The following STX1B variants were observed in gnomAD, a reference collection of about 807,000 sequenced individuals.
The protein encoded by STX1B is syntaxin-1B.
STX1B carries 7 observed loss-of-function variants against 39.4 expected under a neutral mutation model. The ratio of observed to expected loss-of-function variants is 0.18; its 90% CI spans 0.10 to 0.33. STX1B has a LOEUF of 0.33. STX1B is among the 10% of genes least tolerant of loss of function. The pLI is 1.00. For missense variants in STX1B, 198 were observed against 383.2 expected (o/e 0.52, Z 4.04); for synonymous variants, 136 against 144.1 (o/e 0.94, Z 0.40).
At chr16:31,002,999 C>A (rs901807606) in intron 1 of STX1B, among the ~76,000 whole-genome samples, 4 of 152,132 alleles carry the variant, frequency 2.6e-5, no homozygotes, top group Non-Finnish European at 4.4e-5. Flanking sequence ...CCAGACAGAT[C>A]CCAGACAGCT....
intron 7 of STX1B, among the ~76,000 whole-genome samples, chr16:30,993,696 A>C (rs2056575597): frequency 6.6e-6 from 1 of 152,188 alleles, no homozygotes; most frequent in African/African-American, 2.4e-5. Flanking sequence ...GAGTGAGTTA[A>C]TATGTACACA....
rs1036435560 is a variant in STX1B at position 31,001,294 on chromosome 16, G to A, written c.106-101C>T. The A allele has an allele frequency of 9.9e-6, 12 of 1,211,264 alleles. No individual in the cohort carries two copies. Among genetic ancestry groups the A allele is most frequent in the Middle Eastern group, 2.1e-4 (1 of 4,838 alleles). The allele number at this position is 1,211,264 out of a possible 1,614,324, so 75.0% of individuals were successfully genotyped here. A position where few individuals can be genotyped will look rare whatever the true frequency, so the allele number is the denominator to read the frequency against. Reference sequence around the variant, plus strand: ...CAGGGGAATGGACCAGCCCCAGAACGGCTGATAAAAGGCCAGGGAGGGTGC... The same window carrying A: ...CAGGGGAATGGACCAGCCCCAGAACAGCTGATAAAAGGCCAGGGAGGGTGC... On this transcript the variant is annotated intron_variant, in intron 2 of 9. Transcript: ENST00000215095. The surrounding 1 kb of genome is among the most constrained non-coding windows in gnomAD (Gnocchi z 5.5).
At position 31,001,649 on chromosome 16, in the gene STX1B, C is replaced by T. The variant is rs749171470; in HGVS notation, c.31-46G>A. 2.6e-6 allele frequency: 4 copies of T among 1,533,098 alleles called. No homozygotes were observed. The Admixed American group carries it at 5.2e-5, about 20-fold the overall frequency. 95.0% of individuals were successfully genotyped at this position (1,533,098 alleles called of 1,614,324 possible). ...GTCCATGAGCAGGCCCTACCTGGGTCCCCAAGGCTGGCTCTCCAGCTCTCC... is the reference window on the plus strand; with the variant it reads ...GTCCATGAGCAGGCCCTACCTGGGTTCCCAAGGCTGGCTCTCCAGCTCTCC... On this transcript the variant is annotated intron_variant, in intron 1 of 9. Coordinates refer to ENST00000215095, the MANE Select transcript of STX1B (RefSeq NM_052874.5). This position sits in a 1 kb window ranked among gnomAD's most constrained non-coding sequence, Gnocchi z 5.5.
At chr16:30,995,513 A>G (rs1316979243) in intron 7 of STX1B, among the ~76,000 whole-genome samples, 1 of 149,798 alleles carries the variant, frequency 6.7e-6, no homozygotes, top group African/African-American at 2.5e-5. Context: ...TTTTTAAGAG[A>G]CAGAGTGTCA....
chr16:30,996,832 C>T, intron 6 of STX1B, 76 bp from the exon 7 acceptor site: 1 of 1,582,896 alleles, frequency 6.3e-7, no homozygotes, highest in Non-Finnish European at 8.7e-7. Context: ...GGGCGGGGAC[C>T]TGGGGCCCAC....
chr16:31,010,219 C>T (rs1016095839), intron 1 of STX1B, 148 bp downstream of exon 1: 5 of 499,202 alleles, frequency 1.0e-5, no homozygotes, highest in African/African-American at 2.0e-5. Flanking sequence ...GGAGAGACAT[C>T]AGGCGCCTGA....
In STX1B at chr16:30,990,523, CACAATGCACACACAATGTACACACACAT is replaced by C. The variant is rs1390994462; in HGVS notation, c.*2270_*2297del. 2.0e-5 allele frequency: 3 copies of C among 152,412 alleles called. No homozygotes were observed. Among genetic ancestry groups the C allele is most frequent in the Non-Finnish European group, 2.9e-5 (2 of 68,180 alleles). The allele number at this position is 152,412 out of a possible 1,614,324, so 9.4% of individuals were successfully genotyped here. ...TCACATCTGTTTGGCCACATGCACA[CACAATGCACACACAATGTACACACACAT>C]ACAATGCACACACACGTACGCTTCA... On this transcript the variant is annotated 3_prime_UTR_variant, in exon 10 of 10. Transcript: ENST00000215095.
chr16:31,003,272 C>T (rs115081720), intron 1 of STX1B, among the ~76,000 whole-genome samples: 18 of 152,328 alleles, frequency 1.2e-4, no homozygotes, highest in African/African-American at 1.7e-4. Context: ...CCCAACCATC[C>T]GCCTGGAAAG....
chr16:31,003,234 CA>C (rs2056640088), intron 1 of STX1B, among the ~76,000 whole-genome samples: 1 of 152,202 alleles, frequency 6.6e-6, no homozygotes, highest in Admixed American at 6.5e-5. Flanking sequence ...AAAATGTGTT[CA>C]GCACTTGTGT....
At position 30,992,754 on chromosome 16, in the gene STX1B, G is replaced by C; in HGVS notation, c.*67C>G. On this transcript the variant is annotated 3_prime_UTR_variant, in exon 10 of 10. Coordinates refer to ENST00000215095, the MANE Select transcript of STX1B (RefSeq NM_052874.5). The stretch of plus-strand genomic sequence containing the variant: ...CCTGGAGCAGGGGATGGAGTGAAAG[G>C]GGTGGTGGGGGTATTGCTCCCGATG... 6.2e-6 allele frequency: 6 copies of C among 970,578 alleles called. No individual in the cohort carries two copies. The highest frequency in any genetic ancestry group is 9.8e-6 in the Non-Finnish European group (6 of 614,084). 60.1% of individuals were successfully genotyped at this position (970,578 alleles called of 1,614,324 possible). A position where few individuals can be genotyped will look rare whatever the true frequency, so the allele number is the denominator to read the frequency against.
intron 6 of STX1B, 93 bp from the exon 7 acceptor site, chr16:30,996,849 ACGC>A: frequency 6.4e-7 from 1 of 1,572,724 alleles, no homozygotes; most frequent in Non-Finnish European, 8.7e-7. Flanking sequence ...CCACCCTCCC[ACGC>A]CGCCTTAAGC....
intron 9 of STX1B, 42 bp downstream of exon 9, chr16:30,993,088 T>A: frequency 2.5e-6 from 4 of 1,590,366 alleles, no homozygotes; most frequent in Non-Finnish European, 3.5e-6. Context: ...GGGCTCAGCC[T>A]TGGGCTCCCC....
In STX1B at chr16:31,008,088, G is replaced by A. The variant is rs538998674; in HGVS notation, c.30+2279C>T. Among the ~76,000 whole-genome samples, 4 of 150,108 alleles carry A rather than the reference G, an allele frequency of 2.7e-5. No homozygotes were observed. In the South Asian group the frequency reaches 6.3e-4, roughly 24 times the overall value. The stretch of plus-strand genomic sequence containing the variant: ...TGGGCTAATGTCCCCTCCCACCACC[G>A]CCCCTGCCTCATCCCTCCCAGTGTC... On this transcript the variant is annotated intron_variant, in intron 1 of 9. Transcript: ENST00000215095.
rs1230813332 is a variant in STX1B at position 31,010,427 on chromosome 16, CCTCCTGCCTCTGCTGCTGCTCCGGGT to C, written c.-57_-32del. 2.1e-6 allele frequency: 3 copies of C among 1,405,658 alleles called. No homozygotes were observed. The highest frequency in any genetic ancestry group is 1.4e-5 in the African/African-American group (1 of 69,084). The allele number at this position is 1,405,658 out of a possible 1,614,324, so 87.1% of individuals were successfully genotyped here. ...GACGGCTCCTCCTCCTCCTCCTAGT[CCTCCTGCCTCTGCTGCTGCTCCGGGT>C]CTCCCGCCTCTGTGCCGGAGGCCGG... On this transcript the variant is annotated 5_prime_UTR_variant, in exon 1 of 10. Transcript: ENST00000215095.
rs551110265 is a variant in STX1B, at chr16:30,989,834, G to T, written c.*2987C>A. 1 of 152,742 alleles carries T rather than the reference G, an allele frequency of 6.5e-6. No homozygotes were observed. The highest frequency in any genetic ancestry group is 6.5e-5 in the Admixed American group (1 of 15,316). 9.5% of individuals were successfully genotyped at this position (152,742 alleles called of 1,614,324 possible). A position where few individuals can be genotyped will look rare whatever the true frequency, so the allele number is the denominator to read the frequency against. On this transcript the variant is annotated 3_prime_UTR_variant, in exon 10 of 10. Coordinates refer to ENST00000215095, the MANE Select transcript of STX1B (RefSeq NM_052874.5). Reference sequence around the variant, plus strand: ...GTGCTTCATGAGGGGTGGGAACAGGGAGGAGGGGGAAGAGGAGCACTGAGC... The same window carrying T: ...GTGCTTCATGAGGGGTGGGAACAGGTAGGAGGGGGAAGAGGAGCACTGAGC...
chr16:31,009,839 G>A (rs772486125), intron 1 of STX1B, among the ~76,000 whole-genome samples: 2 of 151,856 alleles, frequency 1.3e-5, no homozygotes, highest in African/African-American at 4.8e-5. Context: ...TCCCTGTCTC[G>A]GAGAGATGCC....
chr16:30,999,936 G>A (rs1567378949), intron 4 of STX1B, among the ~76,000 whole-genome samples: 2 of 152,124 alleles, frequency 1.3e-5, no homozygotes, highest in Non-Finnish European at 2.9e-5. Context: ...TAATAATCTG[G>A]CTCCTGGAAC....
rs149531594 is a variant in STX1B at position 31,000,846 on chromosome 16, C to T, written c.280+82G>A. On this transcript the variant is annotated intron_variant, in intron 4 of 9. Coordinates refer to ENST00000215095, the MANE Select transcript of STX1B (RefSeq NM_052874.5). The stretch of plus-strand genomic sequence containing the variant: ...ACTCCTGGGATTGAGCAATTGGCCC[C>T]GCCTCGCCCTCCCAAAGGCCTGAGC... The T allele has an allele frequency of 3.5e-4, 500 of 1,423,038 alleles. 7 individuals carry two copies. In the East Asian group the frequency reaches 0.011, roughly 31 times the overall value. The allele number at this position is 1,423,038 out of a possible 1,614,324, so 88.2% of individuals were successfully genotyped here. A position where few individuals can be genotyped will look rare whatever the true frequency, so the allele number is the denominator to read the frequency against.
chr16:30,997,640 G>T, intron 4 of STX1B, 65 bp from the exon 5 acceptor site: 1 of 1,465,354 alleles, frequency 6.8e-7, no homozygotes, highest in Non-Finnish European at 9.3e-7. Flanking sequence ...GGTCCGGGGC[G>T]TACGAATGGT....
Sources: gnomAD v4.1 joint callset for allele counts (sites outside exome capture counted in the v4.1 genomes callset) on GRCh38, gnomAD v4.1.1 for gene constraint, Gnocchi (gnomAD v3.1) non-coding constraint, MANE v1.5 for transcripts, NCBI Gene and HGNC (gene_info 2026-07-23, HGNC 2026-07-21) for gene names.